Variants in RGS7 observed in about 807,000 individuals in gnomAD.
RGS7 encodes the protein regulator of G protein signaling 7, also known as regulator of G-protein signaling 7.
In RGS7, 27 loss-of-function variants were observed where a neutral mutation model predicts 81.1. The observed-to-expected ratio is 0.33, with a 90% confidence interval of 0.25 to 0.46. The LOEUF (loss-of-function observed/expected upper bound fraction) is 0.46, where lower values mean the gene tolerates loss of function less well. RGS7 is among the 20% of genes least tolerant of loss of function. The probability of loss-of-function intolerance (pLI) is 1.00; values close to 1 mark genes in which losing one functional copy is unlikely to be tolerated. For missense variants in RGS7, 396 were observed against 607.4 expected, an observed-to-expected ratio of 0.65 and a Z score of 3.66; for synonymous variants, 208 against 207.7, an observed-to-expected ratio of 1.00 and a Z score of -0.01.
chr1:241,187,543 T>C (rs1353027017), intron 2 of RGS7, among the ~76,000 whole-genome samples: 2 of 152,186 alleles, frequency 1.3e-5, no homozygotes, highest in African/African-American at 4.8e-5. Context: ...TTTGGAATAA[T>C]TGCAGTCTCG....
intron 2 of RGS7, among the ~76,000 whole-genome samples, chr1:241,184,004 A>G (rs1039893278): frequency 6.6e-6 from 1 of 152,130 alleles, no homozygotes; most frequent in African/African-American, 2.4e-5. Flanking sequence ...AGTCAGAACT[A>G]CCCTCTGAGA....
intron 2 of RGS7, among the ~76,000 whole-genome samples, chr1:241,189,853 C>T (rs550002763): frequency 2.6e-5 from 4 of 152,276 alleles, no homozygotes; most frequent in African/African-American, 9.6e-5. Flanking sequence ...CGGTGGCTCA[C>T]GTCTGTAATC....
At chr1:240,810,543 T>C (rs1056623216) in intron 14 of RGS7, among the ~76,000 whole-genome samples, 5 of 149,824 alleles carry the variant, frequency 3.3e-5, no homozygotes, top group African/African-American at 9.8e-5. Flanking sequence ...ACCTCCTGGG[T>C]TTAAGCGATT....
chr1:241,327,080 GAGAAAGAAAGAAAGAAAGAA>G lies in RGS7; in HGVS notation c.78+28599_78+28618del, dbSNP rs75083243. Among the ~76,000 whole-genome samples the G allele has an allele frequency of 7.5e-3, 370 of 49,374 alleles. 6 individuals carry two copies. Among genetic ancestry groups the G allele is most frequent in the African/African-American group, 0.021 (243 of 11,752 alleles). The allele number at this position is 49,374 out of a possible 152,430, so 32.4% of individuals were successfully genotyped here. A position where few individuals can be genotyped will look rare whatever the true frequency, so the allele number is the denominator to read the frequency against. On this transcript the variant is annotated intron_variant, in intron 2 of 18. Coordinates refer to ENST00000440928, the MANE Select transcript of RGS7 (RefSeq NM_001364886.1). ...AAGGAAGAAGGAAGGAAGGAAGGAA[GAGAAAGAAAGAAAGAAAGAA>G]AGAAAGAAAGAAAGAAAGAAAGAAA...
At chr1:240,829,386 T>C (rs1451121066) in intron 9 of RGS7, among the ~76,000 whole-genome samples, 2 of 152,266 alleles carry the variant, frequency 1.3e-5, no homozygotes, top group South Asian at 2.1e-4. Context: ...GTATGTGATA[T>C]TGTGGTTTGA....
rs1692977428 is a variant in RGS7 at position 240,827,161 on chromosome 1, T to C, written c.621A>G (p.Val207=). The C allele has an allele frequency of 5.6e-6, 9 of 1,613,180 alleles. No individual in the cohort carries two copies. Among genetic ancestry groups the C allele is most frequent in the Non-Finnish European group, 6.8e-6 (8 of 1,179,134 alleles). ...WDVHRPVPGC[V]NTTEVDIKKS... ...TCTTAATGTCCACTTCAGTTGTATTTACACATCCAGGCTGGGAATGGAAAA... is the reference window on the plus strand; with the variant it reads ...TCTTAATGTCCACTTCAGTTGTATTCACACATCCAGGCTGGGAATGGAAAA... The change falls in exon 10 of 19, where the codon GTA becomes GTG. Residue 207 remains valine, a synonymous_variant. Coordinates refer to ENST00000440928, the MANE Select transcript of RGS7 (RefSeq NM_001364886.1).
At position 241,236,172 on chromosome 1, in the gene RGS7, C is replaced by G. The variant is rs985809063; in HGVS notation, c.78+119527G>C. On this transcript the variant is annotated intron_variant, in intron 2 of 18. Transcript: ENST00000440928. Reference sequence around the variant, plus strand: ...TCACTGAGCAAATGACGACCTCCGCCCCCCATATTTTAGAAACAAATAACT... The same window carrying G: ...TCACTGAGCAAATGACGACCTCCGCGCCCCATATTTTAGAAACAAATAACT... 4.0e-5 allele frequency among the ~76,000 whole-genome samples: 6 copies of G among 149,214 alleles called. 1 individual carries two copies. In the South Asian group the frequency reaches 6.5e-4, roughly 16 times the overall value.
chr1:240,978,698 A>G (rs540963964), intron 4 of RGS7, among the ~76,000 whole-genome samples: 57 of 152,326 alleles, frequency 3.7e-4, no homozygotes, highest in African/African-American at 1.3e-3. Flanking sequence ...CAAAACAGGA[A>G]ATGAGAACGA....
rs148314714 is a variant in RGS7, at chr1:240,818,593, T to C, written c.685-2178A>G. 2.5e-3 allele frequency among the ~76,000 whole-genome samples: 376 copies of C among 152,342 alleles called. No individual in the cohort carries two copies. In the Middle Eastern group the frequency reaches 0.031, roughly 12 times the overall value. ...TCTTAAAAATTATGTGTTATATACA[T>C]AATGGAACACTATTCAGCCTTTATA... is the stretch of plus-strand genomic sequence containing the variant. On this transcript the variant is annotated intron_variant, in intron 10 of 18. Coordinates refer to ENST00000440928, the MANE Select transcript of RGS7 (RefSeq NM_001364886.1).
Position 241,144,964 on chromosome 1 carries a change from T to TGTGTGTGTGTGTGTGTGTGTG in RGS7, c.79-46203_79-46202insCACACACACACACACACACAC, listed in dbSNP as rs1479399427. Among the ~76,000 whole-genome samples, 50 of 144,506 alleles carry TGTGTGTGTGTGTGTGTGTGTG rather than the reference T, an allele frequency of 3.5e-4. No homozygotes were observed. The highest frequency in any genetic ancestry group is 1.3e-3 in the African/African-American group (48 of 36,926). 94.8% of individuals were successfully genotyped at this position (144,506 alleles called of 152,430 possible). ...GTGTGTGTGTGTGTGTGTGTGTGTG[T>TGTGTGTGTGTGTGTGTGTGTG]TCGTGTTCATTCTTCCTGTTCCTGT... On this transcript the variant is annotated intron_variant, in intron 2 of 18. Coordinates refer to ENST00000440928, the MANE Select transcript of RGS7 (RefSeq NM_001364886.1). The surrounding 1 kb of genome is among the most constrained non-coding windows in gnomAD (Gnocchi z 4.7).
At chr1:240,915,069 C>T (rs1233351614) in intron 6 of RGS7, among the ~76,000 whole-genome samples, 2 of 152,144 alleles carry the variant, frequency 1.3e-5, no homozygotes, top group Non-Finnish European at 2.9e-5. Flanking sequence ...ACTAGGTTTG[C>T]ACAATGAGGG....
At chr1:240,901,234 G>T (rs1669957010) in intron 6 of RGS7, among the ~76,000 whole-genome samples, 1 of 152,180 alleles carries the variant, frequency 6.6e-6, no homozygotes, top group African/African-American at 2.4e-5. Flanking sequence ...CCGACCCCTT[G>T]TGCTTCCCAG....
intron 3 of RGS7, among the ~76,000 whole-genome samples, chr1:240,984,105 G>A (rs757884266): frequency 2.0e-5 from 3 of 152,188 alleles, no homozygotes; most frequent in Non-Finnish European, 4.4e-5. Flanking sequence ...GGGAATAATA[G>A]AAAATTGAAA....
At chr1:241,159,481 CCCTT>C (rs59437050) in intron 2 of RGS7, among the ~76,000 whole-genome samples, 1 of 152,008 alleles carries the variant, frequency 6.6e-6, no homozygotes, top group Admixed American at 6.6e-5. Flanking sequence ...GGAAATATAG[CCCTT>C]CCTTCCTTCC....
At chr1:241,327,080 G>GAGAAAGAAAGAA (rs75083243) in intron 2 of RGS7, among the ~76,000 whole-genome samples, 127 of 49,400 alleles carry the variant, frequency 2.6e-3, no homozygotes, top group East Asian at 4.7e-3. Context: ...AAGGAAGGAA[G>GAGAAAGAAAGAA]AGAAAGAAAG....
At chr1:241,059,348 GAT>G (rs1452154044) in intron 3 of RGS7, among the ~76,000 whole-genome samples, 1 of 152,126 alleles carries the variant, frequency 6.6e-6, no homozygotes, top group Non-Finnish European at 1.5e-5. Context: ...GGTAAAAAGT[GAT>G]AACTTACTTT....
At chr1:241,298,316 A>G (rs187972889) in intron 2 of RGS7, among the ~76,000 whole-genome samples, 53 of 152,340 alleles carry the variant, frequency 3.5e-4, no homozygotes, top group Admixed American at 1.3e-4. Context: ...ATTAGAAGCT[A>G]GGAGGAGACC....
At chr1:241,009,883 A>G (rs2058867539) in intron 3 of RGS7, among the ~76,000 whole-genome samples, 1 of 152,226 alleles carries the variant, frequency 6.6e-6, no homozygotes, top group African/African-American at 2.4e-5. Flanking sequence ...AGACGACTTA[A>G]GAAACATGGA....
At chr1:241,169,261 C>T (rs978927083) in intron 2 of RGS7, among the ~76,000 whole-genome samples, 5 of 150,876 alleles carry the variant, frequency 3.3e-5, no homozygotes, top group Non-Finnish European at 7.4e-5. Context: ...GTTTATCCTC[C>T]TTAAGAAAAT....
Sources: allele counts gnomAD v4.1 joint callset (sites outside exome capture counted in the v4.1 genomes callset), GRCh38; gene constraint gnomAD v4.1.1; non-coding constraint Gnocchi (gnomAD v3.1); transcripts MANE v1.5; gene names NCBI Gene and HGNC (gene_info 2026-07-23, HGNC 2026-07-21).